Variants in RARB observed in about 807,000 individuals in gnomAD.
RARB encodes the protein HBV-activated protein.
A neutral mutation model predicts 51.9 loss-of-function variants in RARB; 17 were observed. That is an observed-to-expected ratio of 0.33 (90% CI 0.22 to 0.49). RARB has a LOEUF of 0.49. Among genes scored for constraint, RARB ranks in the 20% least tolerant of loss-of-function variants. The pLI, the probability that RARB is intolerant of heterozygous loss-of-function variation, is 0.99. For missense variants in RARB, 369 were observed against 550.8 expected (o/e 0.67, Z 3.30); for synonymous variants, 215 against 195.4 (o/e 1.10, Z -0.84).
At chr3:25,470,821 A>G in intron 2 of RARB, among the ~76,000 whole-genome samples, 1 of 151,266 alleles carries the variant, frequency 6.6e-6, no homozygotes, top group Non-Finnish European at 1.5e-5. Flanking sequence ...AGTCATTATT[A>G]CCAAGTCATT....
intron 2 of RARB, among the ~76,000 whole-genome samples, chr3:24,999,455 C>T (rs1011176619): frequency 8.5e-5 from 13 of 152,110 alleles, no homozygotes; most frequent in African/African-American, 2.2e-4. Flanking sequence ...GCCCACATAG[C>T]GTGGATATTG....
At chr3:25,374,075 T>A (rs1706384402) in intron 5 of RARB, among the ~76,000 whole-genome samples, 1 of 152,188 alleles carries the variant, frequency 6.6e-6, no homozygotes, top group Admixed American at 6.5e-5. Context: ...ATTGGAATCC[T>A]ACTTAACCTC....
At chr3:25,596,278 C>A in intron 7 of RARB, 142 bp from the exon 8 acceptor site, 1 of 627,354 alleles carries the variant, frequency 1.6e-6, no homozygotes, top group Non-Finnish European at 2.7e-6. Flanking sequence ...CAACAAAAAG[C>A]CACCTGATAT....
intron 5 of RARB, among the ~76,000 whole-genome samples, chr3:25,399,867 A>G (rs537255509): frequency 6.6e-6 from 1 of 152,282 alleles, no homozygotes; most frequent in East Asian, 1.9e-4. Context: ...CCCACCACGA[A>G]TGCCTTGAGT....
chr3:25,335,957 A>G (rs1210120374), intron 5 of RARB, among the ~76,000 whole-genome samples: 1 of 152,180 alleles, frequency 6.6e-6, no homozygotes, highest in Non-Finnish European at 1.5e-5. Flanking sequence ...AGTATTATCC[A>G]TCCTCTAAAA....
intron 2 of RARB, among the ~76,000 whole-genome samples, chr3:25,031,942 A>G (rs1697885211): frequency 6.6e-6 from 1 of 152,196 alleles, no homozygotes. Flanking sequence ...CATAAATTTG[A>G]CTTTTCTTAA....
At chr3:25,169,640 T>C (rs924511523) in intron 4 of RARB, among the ~76,000 whole-genome samples, 2 of 152,148 alleles carry the variant, frequency 1.3e-5, no homozygotes, top group Non-Finnish European at 2.9e-5. Flanking sequence ...GGTTTCTATG[T>C]GTGGGCAATA....
intron 2 of RARB, among the ~76,000 whole-genome samples, chr3:25,000,209 T>G (rs1178893505): frequency 1.3e-5 from 2 of 152,168 alleles, no homozygotes; most frequent in Non-Finnish European, 2.9e-5. Flanking sequence ...TTCTGGTAGT[T>G]CCATCAGTTT....
intron 2 of RARB, among the ~76,000 whole-genome samples, chr3:24,912,273 T>C (rs985533843): frequency 1.3e-5 from 2 of 152,222 alleles, no homozygotes; most frequent in Non-Finnish European, 2.9e-5. Context: ...ATGTTTTATC[T>C]ATCTGATCTC....
intron 2 of RARB, among the ~76,000 whole-genome samples, chr3:24,863,486 C>G (rs1702793197): frequency 6.6e-6 from 1 of 152,052 alleles, no homozygotes; most frequent in Non-Finnish European, 1.5e-5. Context: ...TATCATTTGC[C>G]TGCCAGTTAA....
chr3:24,971,781 A>G (rs1696403515), intron 2 of RARB, among the ~76,000 whole-genome samples: 3 of 151,940 alleles, frequency 2.0e-5, no homozygotes, highest in Admixed American at 2.0e-4. Context: ...AAAATACAAA[A>G]TTTTATCCTA....
At chr3:24,879,196 G>A (rs377683676) in intron 2 of RARB, among the ~76,000 whole-genome samples, 3 of 150,864 alleles carry the variant, frequency 2.0e-5, no homozygotes, top group Non-Finnish European at 3.0e-5. Context: ...TTGGGAGGCC[G>A]CGGCCGGCGG....
chr3:24,923,742 G>A (rs1235391114), intron 2 of RARB, among the ~76,000 whole-genome samples: 1 of 152,044 alleles, frequency 6.6e-6, no homozygotes, highest in Non-Finnish European at 1.5e-5. Context: ...AACATAAACG[G>A]GCCTGAGCAA....
At chr3:25,403,266 G>T (rs1191220798) in intron 5 of RARB, among the ~76,000 whole-genome samples, 1 of 151,958 alleles carries the variant, frequency 6.6e-6, no homozygotes, top group East Asian at 1.9e-4. Context: ...GAGTGTAATT[G>T]GATTGTTTGT....
chr3:25,591,850 G>A (rs1467049302), intron 5 of RARB, among the ~76,000 whole-genome samples: 6 of 152,166 alleles, frequency 3.9e-5, no homozygotes, highest in Non-Finnish European at 8.8e-5. Flanking sequence ...CCACGCTGGA[G>A]TCCTTTGTGT....
intron 2 of RARB, among the ~76,000 whole-genome samples, chr3:25,480,853 C>T (rs1454078946): frequency 1.3e-5 from 2 of 152,206 alleles, no homozygotes; most frequent in East Asian, 1.9e-4. Flanking sequence ...CTGCATGCCT[C>T]AATGGAGTAC....
chr3:24,829,634 A>G (rs1245679221), intron 1 of RARB, among the ~76,000 whole-genome samples: 2 of 152,190 alleles, frequency 1.3e-5, no homozygotes, highest in Non-Finnish European at 2.9e-5. Context: ...GGACTCGCGG[A>G]CAACTTTGCG....
At chr3:24,934,552 G>A (rs1276973652) in intron 2 of RARB, among the ~76,000 whole-genome samples, 1 of 152,010 alleles carries the variant, frequency 6.6e-6, no homozygotes, top group Non-Finnish European at 1.5e-5. Flanking sequence ...CATACCTGTT[G>A]ATAGAAATGT....
intron 5 of RARB, among the ~76,000 whole-genome samples, chr3:25,242,012 C>A (rs932193420): frequency 6.6e-6 from 1 of 152,146 alleles, no homozygotes; most frequent in African/African-American, 2.4e-5. Flanking sequence ...CTTTAACTGG[C>A]GTGAGATGGT....
Sources: gnomAD v4.1 joint callset for allele counts (sites outside exome capture counted in the v4.1 genomes callset) on GRCh38, gnomAD v4.1.1 for gene constraint, MANE v1.5 for transcripts, NCBI Gene and HGNC (gene_info 2026-07-23, HGNC 2026-07-21) for gene names.